Variants in RYR2 observed in about 807,000 individuals in gnomAD.
RYR2 encodes the protein cardiac muscle ryanodine receptor-calcium release channel.
A neutral mutation model predicts 601.1 loss-of-function variants in RYR2; 227 were observed. The ratio of observed to expected loss-of-function variants is 0.38; its 90% CI spans 0.34 to 0.42. The LOEUF is 0.42. Ranked by LOEUF, RYR2 falls within the 10% of genes least tolerant of loss-of-function variation. The pLI is 1.00. For missense variants in RYR2, 4,646 were observed against 6,156.5 expected (o/e 0.75, Z 8.21); for synonymous variants, 2,223 against 2,175.1 (o/e 1.02, Z -0.61).
chr1:237,545,852 G>T (rs1669745483), intron 25 of RYR2, among the ~76,000 whole-genome samples: 1 of 151,644 alleles, frequency 6.6e-6, no homozygotes, highest in African/African-American at 2.4e-5. Flanking sequence ...TTGAGGCCAG[G>T]GGTTGAAGAG....
At chr1:237,311,482 C>CTT (rs574868634) in intron 2 of RYR2, among the ~76,000 whole-genome samples, 7 of 141,204 alleles carry the variant, frequency 5.0e-5, no homozygotes, top group Non-Finnish European at 4.7e-5. Flanking sequence ...AGAAAAAATC[C>CTT]TTTTTTTTTT....
intron 2 of RYR2, among the ~76,000 whole-genome samples, chr1:237,275,002 T>C (rs1315191187): frequency 6.6e-6 from 1 of 151,982 alleles, no homozygotes; most frequent in Non-Finnish European, 1.5e-5. Flanking sequence ...GATCACCTGA[T>C]GACACATTTC....
chr1:237,208,976 A>ATGTG (rs1558428313), intron 1 of RYR2, among the ~76,000 whole-genome samples: 1 of 95,436 alleles, frequency 1.0e-5, no homozygotes, highest in African/African-American at 3.9e-5. Flanking sequence ...ATATATATAT[A>ATGTG]TATATATATG....
chr1:237,099,330 C>G (rs545936287), intron 1 of RYR2, among the ~76,000 whole-genome samples: 1 of 151,978 alleles, frequency 6.6e-6, no homozygotes, highest in Non-Finnish European at 1.5e-5. Flanking sequence ...CTCAACCTCC[C>G]GGGCTCAAGC....
intron 2 of RYR2, among the ~76,000 whole-genome samples, chr1:237,307,834 A>G (rs889805076): frequency 2.6e-5 from 4 of 152,338 alleles, no homozygotes; most frequent in African/African-American, 9.6e-5. Context: ...GCTGTACTTA[A>G]TATTTTTTTA....
chr1:237,152,301 G>T (rs1319217594), intron 1 of RYR2, among the ~76,000 whole-genome samples: 2 of 152,124 alleles, frequency 1.3e-5, no homozygotes, highest in East Asian at 3.9e-4. Flanking sequence ...TGTGAATAGT[G>T]GTGCAATAAA....
chr1:237,245,263 C>G (rs1259251766), intron 1 of RYR2, among the ~76,000 whole-genome samples: 2 of 151,962 alleles, frequency 1.3e-5, no homozygotes, highest in African/African-American at 4.8e-5. Context: ...TATTTGTACT[C>G]TGATCAGCCT....
At chr1:237,721,606 C>T (rs1250559746) in intron 73 of RYR2, among the ~76,000 whole-genome samples, 1 of 152,132 alleles carries the variant, frequency 6.6e-6, no homozygotes, top group Non-Finnish European at 1.5e-5. Flanking sequence ...CAACCTCCAC[C>T]TCCTTGGGTT....
rs1439044859 is a variant in RYR2 at position 237,550,585 on chromosome 1, T to C, written c.3108T>C (p.Thr1036=). Residue 1036 remains threonine, a synonymous_variant, in exon 27 of 105, where the codon ACT becomes ACC. Coordinates refer to ENST00000366574, the MANE Select transcript of RYR2 (RefSeq NM_001035.3). ...GAAATCCTCGCCTTGTTCCCTACAC[T>C]CTTCTGGATGACCGAACCAAGAAAT... ...NRRNPRLVPY[T]LLDDRTKKSN... 8.1e-6 allele frequency: 13 copies of C among 1,607,740 alleles called. No homozygotes were observed. The highest frequency in any genetic ancestry group is 1.3e-5 in the African/African-American group (1 of 74,820).
At chr1:237,291,209 T>C (rs1474364622) in intron 2 of RYR2, among the ~76,000 whole-genome samples, 1 of 152,038 alleles carries the variant, frequency 6.6e-6, no homozygotes, top group African/African-American at 2.4e-5. Context: ...GTCAATGTTA[T>C]TTTTTGTAAT....
chr1:237,468,821 C>A (rs1660367249), intron 16 of RYR2, among the ~76,000 whole-genome samples: 1 of 152,106 alleles, frequency 6.6e-6, no homozygotes, highest in Non-Finnish European at 1.5e-5. Flanking sequence ...TTTCCATTAC[C>A]CTTTACTATT....
At chr1:237,761,658 A>G (rs1304092657) in intron 84 of RYR2, among the ~76,000 whole-genome samples, 2 of 152,244 alleles carry the variant, frequency 1.3e-5, no homozygotes, top group African/African-American at 4.8e-5. Context: ...TTAGCATACA[A>G]TGCATTTAAA....
At chr1:237,081,648 G>C (rs1290856489) in intron 1 of RYR2, among the ~76,000 whole-genome samples, 1 of 151,516 alleles carries the variant, frequency 6.6e-6, no homozygotes, top group African/African-American at 2.4e-5. Context: ...CCCTCTCTCT[G>C]TCTCTCTCAA....
At chr1:237,818,764 C>T (rs1662113118) in intron 100 of RYR2, among the ~76,000 whole-genome samples, 1 of 151,172 alleles carries the variant, frequency 6.6e-6, no homozygotes, top group African/African-American at 2.4e-5. Flanking sequence ...ATACTAGATA[C>T]AAGATGCTAG....
chr1:237,350,629 A>C (rs1358908295), intron 3 of RYR2, among the ~76,000 whole-genome samples: 4 of 122,490 alleles, frequency 3.3e-5, no homozygotes, highest in East Asian at 5.0e-4. Flanking sequence ...ATATATATAT[A>C]TATATCTCTG....
Position 237,591,077 on chromosome 1 carries a change from T to C in RYR2, c.4160+85T>C, listed in dbSNP as rs192048580. ...AGAGTAAAGGGTCTCCTAGTGTAAA[T>C]TTTTTCCTCCTTCTCCTCCTCCTCC... On this transcript the variant is annotated intron_variant, in intron 31 of 104. Coordinates refer to ENST00000366574, the MANE Select transcript of RYR2 (RefSeq NM_001035.3). The C allele has an allele frequency of 2.6e-3, 2,934 of 1,116,420 alleles. 11 individuals are homozygous for C. Among genetic ancestry groups the C allele is most frequent in the Non-Finnish European group, 3.3e-3 (2,740 of 841,460 alleles). The allele number at this position is 1,116,420 out of a possible 1,614,324, so 69.2% of individuals were successfully genotyped here.
chr1:237,463,342 A>C (rs2150266060), intron 16 of RYR2, among the ~76,000 whole-genome samples: 1 of 152,266 alleles, frequency 6.6e-6, no homozygotes, highest in South Asian at 2.1e-4. Flanking sequence ...ATAAATTTTT[A>C]AAGTGAAGGT....
At chr1:237,696,623 G>A (rs1436864331) in intron 63 of RYR2, among the ~76,000 whole-genome samples, 1 of 148,280 alleles carries the variant, frequency 6.7e-6, no homozygotes. Flanking sequence ...TATGTGCAAA[G>A]CAAGGGTCAG....
intron 101 of RYR2, among the ~76,000 whole-genome samples, chr1:237,823,278 G>A (rs1210193677): frequency 6.6e-6 from 1 of 152,080 alleles, no homozygotes; most frequent in Non-Finnish European, 1.5e-5. Flanking sequence ...CACATAATTG[G>A]AAGTAAAATG....
Sources: allele counts gnomAD v4.1 joint callset (sites outside exome capture counted in the v4.1 genomes callset), GRCh38; gene constraint gnomAD v4.1.1; transcripts MANE v1.5; gene names NCBI Gene and HGNC (gene_info 2026-07-23, HGNC 2026-07-21).